Variants in HS3ST4 observed in about 807,000 individuals in gnomAD.
HS3ST4 encodes the protein heparan sulfate-glucosamine 3-sulfotransferase 4.
In HS3ST4, 17 loss-of-function variants were observed where a neutral mutation model predicts 29.2. The observed-to-expected ratio is 0.58, with a 90% CI of 0.40 to 0.87. HS3ST4 has a LOEUF of 0.87. Ranked by LOEUF, HS3ST4 falls within the 40% of genes least tolerant of loss-of-function variation. The probability of loss-of-function intolerance (pLI) is 0.00; values close to 1 mark genes in which losing one functional copy is unlikely to be tolerated. For synonymous variants in HS3ST4, 314 were observed against 285.7 expected, an observed-to-expected ratio of 1.10 and a Z score of -1.00; for missense variants, 627 against 634.5, an observed-to-expected ratio of 0.99 and a Z score of 0.13.
At chr16:25,735,275 A>G (rs1056201731) in intron 1 of HS3ST4, among the ~76,000 whole-genome samples, 1 of 152,248 alleles carries the variant, frequency 6.6e-6, no homozygotes, top group Non-Finnish European at 1.5e-5. Flanking sequence ...AAATTCTAGC[A>G]TCATCCAGAA....
At chr16:25,728,654 G>A (rs1966552364) in intron 1 of HS3ST4, among the ~76,000 whole-genome samples, 1 of 152,074 alleles carries the variant, frequency 6.6e-6, no homozygotes, top group African/African-American at 2.4e-5. Context: ...AACCAACAGC[G>A]CCCTCAGTAA....
chr16:26,023,208 T>A (rs1361532544), intron 1 of HS3ST4, among the ~76,000 whole-genome samples: 4 of 152,172 alleles, frequency 2.6e-5, no homozygotes, highest in Non-Finnish European at 2.9e-5. Context: ...GTCATCTTGA[T>A]GCACCATTTG....
chr16:25,695,707 A>G (rs1482090912), intron 1 of HS3ST4, among the ~76,000 whole-genome samples: 1 of 152,212 alleles, frequency 6.6e-6, no homozygotes, highest in Non-Finnish European at 1.5e-5. Context: ...AAATGATGGT[A>G]TCTGTACCTA....
chr16:25,705,564 T>C (rs1346233673), intron 1 of HS3ST4, among the ~76,000 whole-genome samples: 2 of 151,508 alleles, frequency 1.3e-5, no homozygotes, highest in African/African-American at 2.4e-5. Flanking sequence ...ACTCAGGAGG[T>C]TGAAGTAGGA....
chr16:26,108,793 G>T (rs1432573264), intron 1 of HS3ST4, among the ~76,000 whole-genome samples: 1 of 152,162 alleles, frequency 6.6e-6, no homozygotes, highest in Non-Finnish European at 1.5e-5. Flanking sequence ...TGATGACAGG[G>T]ACCATGTAAT....
chr16:26,058,380 T>C (rs761598030), intron 1 of HS3ST4, among the ~76,000 whole-genome samples: 7 of 152,162 alleles, frequency 4.6e-5, no homozygotes, highest in Non-Finnish European at 7.3e-5. Context: ...TCCTGCAGGC[T>C]TTTTGGTTGA....
intron 1 of HS3ST4, among the ~76,000 whole-genome samples, chr16:26,070,620 A>T (rs897947873): frequency 3.4e-4 from 52 of 152,210 alleles, no homozygotes; most frequent in Non-Finnish European, 1.2e-4. Flanking sequence ...CTCTTGGGTA[A>T]TGTAAAAATT....
At chr16:25,993,963 T>C (rs930192304) in intron 1 of HS3ST4, among the ~76,000 whole-genome samples, 2 of 94,352 alleles carry the variant, frequency 2.1e-5, no homozygotes, top group Admixed American at 1.2e-4. Flanking sequence ...TGTGTGTGTG[T>C]GTGTGTGTGT....
intron 1 of HS3ST4, among the ~76,000 whole-genome samples, chr16:25,850,052 T>A (rs1221336872): frequency 6.8e-6 from 1 of 147,450 alleles, no homozygotes; most frequent in Non-Finnish European, 1.5e-5. Flanking sequence ...CAGGCTGGAG[T>A]GCAATGGTGT....
At chr16:25,693,220 C>T in intron 1 of HS3ST4, 69 bp downstream of exon 1, 1 of 1,448,840 alleles carries the variant, frequency 6.9e-7, no homozygotes, top group Non-Finnish European at 9.1e-7. Context: ...CCGCGGCTTT[C>T]CACGCCCTTC....
intron 1 of HS3ST4, among the ~76,000 whole-genome samples, chr16:25,898,248 A>AC (rs1251815003): frequency 6.6e-6 from 1 of 152,210 alleles, no homozygotes; most frequent in Admixed American, 6.5e-5. Flanking sequence ...CAAACTGAAA[A>AC]TGACTTTAGT....
At chr16:25,845,380 G>A (rs947492627) in intron 1 of HS3ST4, among the ~76,000 whole-genome samples, 1 of 151,974 alleles carries the variant, frequency 6.6e-6, no homozygotes, top group Non-Finnish European at 1.5e-5. Flanking sequence ...ATGGTGATGA[G>A]CACCTGTAAT....
At chr16:25,942,574 T>C (rs2141692943) in intron 1 of HS3ST4, among the ~76,000 whole-genome samples, 1 of 152,152 alleles carries the variant, frequency 6.6e-6, no homozygotes, top group African/African-American at 2.4e-5. Context: ...CTTGAGGCCT[T>C]TATTTTATAT....
chr16:25,845,623 G>A (rs1475101726), intron 1 of HS3ST4, among the ~76,000 whole-genome samples: 1 of 149,348 alleles, frequency 6.7e-6, no homozygotes, highest in Admixed American at 6.8e-5. Flanking sequence ...AAATGATTGT[G>A]CCAAGGAATC....
intron 1 of HS3ST4, among the ~76,000 whole-genome samples, chr16:25,718,463 G>T (rs1966472418): frequency 6.6e-6 from 1 of 151,830 alleles, no homozygotes; most frequent in South Asian, 2.1e-4. Context: ...AAAGTAGTTG[G>T]CAATAGGAGA....
intron 1 of HS3ST4, among the ~76,000 whole-genome samples, chr16:25,799,173 C>G (rs547345834): frequency 1.3e-5 from 2 of 152,276 alleles, no homozygotes; most frequent in African/African-American, 4.8e-5. Flanking sequence ...TGGTTGACAG[C>G]TGCAGTCTGG....
In HS3ST4 at chr16:25,708,970, T is replaced by A. The variant is rs530384662; in HGVS notation, c.734+15819T>A. 2.5e-4 allele frequency among the ~76,000 whole-genome samples: 38 copies of A among 152,328 alleles called. No individual in the cohort carries two copies. In the South Asian group the frequency reaches 6.6e-3, roughly 27 times the overall value. On this transcript the variant is annotated intron_variant, in intron 1 of 1. Coordinates refer to ENST00000331351, the MANE Select transcript of HS3ST4 (RefSeq NM_006040.3). ...CTTCATTTCAGCTCCAGAACTCTAT[T>A]GGCTAGAATTCCTCTGGTTATAACA...
At chr16:26,047,211 G>C (rs1036828570) in intron 1 of HS3ST4, among the ~76,000 whole-genome samples, 6 of 152,194 alleles carry the variant, frequency 3.9e-5, no homozygotes, top group African/African-American at 1.4e-4. Context: ...GATGGGGAAG[G>C]CTTCCTGCCT....
At chr16:25,855,608 G>T (rs966952610) in intron 1 of HS3ST4, among the ~76,000 whole-genome samples, 1 of 152,152 alleles carries the variant, frequency 6.6e-6, no homozygotes, top group African/African-American at 2.4e-5. Flanking sequence ...TAATGTTAGT[G>T]CTGGTCAGTT....
Sources: allele counts gnomAD v4.1 joint callset (sites outside exome capture counted in the v4.1 genomes callset), GRCh38; gene constraint gnomAD v4.1.1; transcripts MANE v1.5; gene names NCBI Gene and HGNC (gene_info 2026-07-23, HGNC 2026-07-21).